The following SEC31A variants were observed in gnomAD, a reference collection of about 807,000 sequenced individuals.
SEC31A encodes the protein protein transport protein Sec31A.
In SEC31A, 70 loss-of-function variants were observed where a neutral mutation model predicts 151.0. The ratio of observed to expected loss-of-function variants is 0.46; its 90% CI spans 0.38 to 0.57. SEC31A has a LOEUF of 0.57. SEC31A is among the 20% of genes least tolerant of loss of function. The probability of loss-of-function intolerance (pLI) is 0.00; values close to 1 mark genes in which losing one functional copy is unlikely to be tolerated. For synonymous variants in SEC31A, 475 were observed against 505.9 expected, an observed-to-expected ratio of 0.94 and a Z score of 0.82; for missense variants, 1,330 against 1,471.2, an observed-to-expected ratio of 0.90 and a Z score of 1.57.
chr4:82,891,219 G>T (rs1309494602), upstream of SEC31A: 1 of 1,506,612 alleles, frequency 6.6e-7, no homozygotes, highest in Admixed American at 2.0e-5. Flanking sequence ...AGCCGCAGCC[G>T]CAGCCACGCC....
intron 14 of SEC31A, 120 bp downstream of exon 14, chr4:82,861,511 G>A (rs1734112673): frequency 3.3e-6 from 2 of 613,006 alleles, no homozygotes; most frequent in South Asian, 4.5e-5. Context: ...ACATCTCAAA[G>A]AAAACAATTT....
At chr4:82,828,673 C>CTCAAAAAA (rs1725174688) in intron 23 of SEC31A, among the ~76,000 whole-genome samples, 1 of 44,116 alleles carries the variant, frequency 2.3e-5, no homozygotes, top group Non-Finnish European at 3.8e-5. Context: ...CAAAGTAACT[C>CTCAAAAAA]AAAAAAAAAA....
intron 17 of SEC31A, among the ~76,000 whole-genome samples, chr4:82,854,364 C>CAAA (rs11349113): frequency 1.5e-5 from 2 of 130,252 alleles, no homozygotes; most frequent in South Asian, 2.5e-4. Context: ...ACTCCGTCTC[C>CAAA]AAAAAAAAAA....
chr4:82,837,356 A>G (rs1341023153), intron 22 of SEC31A, among the ~76,000 whole-genome samples: 1 of 151,426 alleles, frequency 6.6e-6, no homozygotes, highest in East Asian at 1.9e-4. Context: ...TATGACTTTG[A>G]GTCTTTTAAA....
At chr4:82,845,164 C>T (rs1287333134) in intron 20 of SEC31A, 1 of 1,351,288 alleles carries the variant, frequency 7.4e-7, no homozygotes, top group Admixed American at 2.0e-5. Context: ...TTTAGGTGAG[C>T]AGAATTCTGC....
chr4:82,833,512 G>A (rs1014533174), intron 22 of SEC31A, among the ~76,000 whole-genome samples: 1 of 140,430 alleles, frequency 7.1e-6, no homozygotes, highest in African/African-American at 2.6e-5. Context: ...AAAACTGCAT[G>A]TAACCCAAAA....
rs1305852672 is a variant in SEC31A at position 82,878,759 on chromosome 4, C to T, written c.373G>A (p.Val125Met). 2 of 1,613,986 alleles carry T rather than the reference C, an allele frequency of 1.2e-6. No homozygotes were observed. Among genetic ancestry groups the T allele is most frequent in the Non-Finnish European group, 1.7e-6 (2 of 1,179,968 alleles). Residue 125 changes from valine to methionine, a missense_variant, in exon 4 of 27, where the codon GTG (valine) becomes ATG (methionine). Transcript: ENST00000395310. ...AAAATGTTCACATCCAAGGCTCTCA[C>T]TGGGCCAGTATGCTTGTCATTCTGG... Reference protein sequence around the residue: ...IAQNDKHTGPVRALDVNIFQT... With the variant: ...IAQNDKHTGPMRALDVNIFQT...
At chr4:82,844,758 C>G (rs1208606002) in intron 20 of SEC31A, among the ~76,000 whole-genome samples, 2 of 152,212 alleles carry the variant, frequency 1.3e-5, no homozygotes, top group Non-Finnish European at 2.9e-5. Flanking sequence ...ATGCTAACAG[C>G]CTTTAAAAAT....
intron 7 of SEC31A, 89 bp downstream of exon 7, chr4:82,871,855 T>A: frequency 2.6e-6 from 4 of 1,530,852 alleles, no homozygotes; most frequent in South Asian, 2.5e-5. Context: ...AAAGTTCCTG[T>A]GTCCTATGGT....
At chr4:82,870,851 A>G (rs1246786683) in intron 7 of SEC31A, among the ~76,000 whole-genome samples, 1 of 152,220 alleles carries the variant, frequency 6.6e-6, no homozygotes, top group Non-Finnish European at 1.5e-5. Flanking sequence ...CAAAAAAGTG[A>G]AAACAAATGC....
chr4:82,880,601 G>GAA, intron 3 of SEC31A, 198 bp downstream of exon 3: 9 of 359,262 alleles, frequency 2.5e-5, no homozygotes, highest in East Asian at 1.0e-4. Context: ...AAAAAAAAAA[G>GAA]AAAAAAAAAA....
At chr4:82,882,219 T>C (rs6816204) in intron 1 of SEC31A, among the ~76,000 whole-genome samples, 109,317 of 151,706 alleles carry the variant, frequency 0.72, 40,226 homozygotes, top group Admixed American at 0.79. Flanking sequence ...CTGGCTAACA[T>C]GGTGAGACCC....
At chr4:82,849,013 G>A in intron 19 of SEC31A, 36 bp from the exon 20 acceptor site, 2 of 1,573,212 alleles carry the variant, frequency 1.3e-6, no homozygotes, top group Non-Finnish European at 1.7e-6. Flanking sequence ...ACTGTTGAGA[G>A]TTCACCCAGG....
intron 24 of SEC31A, among the ~76,000 whole-genome samples, chr4:82,824,989 GAATA>G (rs1254912945): frequency 1.3e-5 from 2 of 152,194 alleles, no homozygotes; most frequent in Non-Finnish European, 1.5e-5. Context: ...TGCCAGCAGA[GAATA>G]AAAACAAGGC....
At chr4:82,824,105 T>G (rs1724018380) in intron 25 of SEC31A, among the ~76,000 whole-genome samples, 1 of 152,250 alleles carries the variant, frequency 6.6e-6, no homozygotes, top group South Asian at 2.1e-4. Flanking sequence ...GCAAACTATG[T>G]AAGTGCTAGC....
At chr4:82,867,082 G>C (rs539134854) in intron 9 of SEC31A, 73 bp downstream of exon 9, 1 of 1,550,520 alleles carries the variant, frequency 6.4e-7, no homozygotes, top group Non-Finnish European at 8.8e-7. Context: ...AATCAGTGAA[G>C]TCATTTCAAA....
chr4:82,879,197 A>T (rs1333296364), intron 3 of SEC31A, among the ~76,000 whole-genome samples: 1 of 152,170 alleles, frequency 6.6e-6, no homozygotes, highest in African/African-American at 2.4e-5. Flanking sequence ...GTGTGTCAAA[A>T]AATATGAGCT....
At position 82,853,571 on chromosome 4, in the gene SEC31A, T is replaced by A. The variant is rs1168342660; in HGVS notation, c.2153A>T (p.Gln718Leu). 2 of 1,571,990 alleles carry A rather than the reference T, an allele frequency of 1.3e-6. No individual in the cohort carries two copies. The highest frequency in any genetic ancestry group is 1.7e-4 in the Middle Eastern group (1 of 5,994). ...AQDGSHPLSL[Q>L]DLIEKVVILR... ...TGCCTTTTGTTTCAAAGATACTACC[T>A]GAAGTGACAAAGGGTGGCTTCCATC... Residue 718 changes from glutamine to leucine, a missense_variant and splice_region_variant, in exon 18 of 27, where the codon CAG becomes CTG. Gln to Leu is a moderately radical substitution (Grantham distance 113). Coordinates refer to ENST00000395310, the MANE Select transcript of SEC31A (RefSeq NM_001077207.4).
At chr4:82,819,741 C>G (rs1225815841) in intron 26 of SEC31A, among the ~76,000 whole-genome samples, 1 of 151,824 alleles carries the variant, frequency 6.6e-6, no homozygotes, top group Admixed American at 6.6e-5. Flanking sequence ...CATAGGTGTC[C>G]ATACTTTACA....
Sources: gnomAD v4.1 joint callset for allele counts (sites outside exome capture counted in the v4.1 genomes callset) on GRCh38, gnomAD v4.1.1 for gene constraint, MANE v1.5 for transcripts, NCBI Gene and HGNC (gene_info 2026-07-23, HGNC 2026-07-21) for gene names.